CCDC91: variants seen among roughly 807,000 people sequenced by gnomAD.
CCDC91 encodes coiled-coil domain containing 91.
A neutral mutation model predicts 63.2 loss-of-function variants in CCDC91; 48 were observed. The ratio of observed to expected loss-of-function variants is 0.76; its 90% CI spans 0.60 to 0.97. The LOEUF (loss-of-function observed/expected upper bound fraction) is 0.97. Among genes scored for constraint, CCDC91 ranks in the 50% least tolerant of loss-of-function variants. The probability of loss-of-function intolerance (pLI) is 0.00; values close to 1 mark genes in which losing one functional copy is unlikely to be tolerated. For synonymous variants in CCDC91, 167 were observed against 165.8 expected (o/e 1.01, Z -0.06); for missense variants, 500 against 494.6 (o/e 1.01, Z -0.10).
At chr12:28,465,396 T>C (rs555871549) in intron 11 of CCDC91, among the ~76,000 whole-genome samples, 1 of 152,178 alleles carries the variant, frequency 6.6e-6, no homozygotes, top group Non-Finnish European at 1.5e-5. Flanking sequence ...TGGGTGAGAC[T>C]TAATGCTGTG....
At chr12:28,498,225 A>G (rs1347426480) in intron 12 of CCDC91, among the ~76,000 whole-genome samples, 1 of 151,596 alleles carries the variant, frequency 6.6e-6, no homozygotes, top group East Asian at 1.9e-4. Flanking sequence ...ATCAGTAGAG[A>G]GGTTATTGAA....
intron 3 of CCDC91, among the ~76,000 whole-genome samples, chr12:28,266,051 C>T (rs1227499897): frequency 6.6e-6 from 1 of 151,954 alleles, no homozygotes; most frequent in Non-Finnish European, 1.5e-5. Context: ...TATTAACTCA[C>T]CTTCTTTTAC....
chr12:28,217,470 T>G (rs1005313638), intron 1 of CCDC91, among the ~76,000 whole-genome samples: 5 of 152,130 alleles, frequency 3.3e-5, no homozygotes, highest in Non-Finnish European at 5.9e-5. Flanking sequence ...TGTTTTCCCA[T>G]GTATTTGAGA....
intron 6 of CCDC91, 69 bp downstream of exon 6, chr12:28,307,818 G>A: frequency 1.2e-6 from 1 of 801,340 alleles, no homozygotes; most frequent in South Asian, 1.6e-5. Context: ...ATTTCAAAAA[G>A]TGCATAATGA....
chr12:28,204,591 G>A (rs1942705159), intron 1 of CCDC91, among the ~76,000 whole-genome samples: 1 of 152,060 alleles, frequency 6.6e-6, no homozygotes. Flanking sequence ...TTTTTTGTGA[G>A]GGAAAGTCAT....
rs1202693996 is a variant in CCDC91 at position 28,550,045 on chromosome 12, TA to T, written c.*876del. 2.0e-5 allele frequency: 3 copies of T among 152,532 alleles called. No individual in the cohort carries two copies. Among genetic ancestry groups the T allele is most frequent in the Admixed American group, 1.3e-4 (2 of 15,252 alleles). 9.4% of individuals were successfully genotyped at this position (152,532 alleles called of 1,614,324 possible). On this transcript the variant is annotated 3_prime_UTR_variant, in exon 13 of 13. Coordinates refer to ENST00000536442, the MANE Select transcript of CCDC91 (RefSeq NM_018318.5). The stretch of plus-strand genomic sequence containing the variant: ...ATCATGAATATTTTTAATTCAAAAC[TA>T]AAATGTCATTAATATGTATGTATGC...
chr12:28,480,126 G>A (rs563143129), intron 11 of CCDC91, among the ~76,000 whole-genome samples: 14 of 151,974 alleles, frequency 9.2e-5, no homozygotes, highest in African/African-American at 3.4e-4. Flanking sequence ...CATATACTCA[G>A]GTTCTATTTT....
At chr12:28,241,458 A>G (rs1441237711) in intron 1 of CCDC91, among the ~76,000 whole-genome samples, 3 of 152,146 alleles carry the variant, frequency 2.0e-5, no homozygotes, top group East Asian at 1.9e-4. Flanking sequence ...TTTGCTTTGT[A>G]TGAAGAATAG....
intron 10 of CCDC91, 89 bp from the exon 11 acceptor site, chr12:28,452,389 T>C (rs1949849879): frequency 1.1e-6 from 1 of 901,400 alleles, no homozygotes; most frequent in Non-Finnish European, 1.7e-6. Flanking sequence ...AGGATCAAAG[T>C]TTTTTATCTT....
chr12:28,478,271 C>T (rs1304310652), intron 11 of CCDC91, among the ~76,000 whole-genome samples: 4 of 152,044 alleles, frequency 2.6e-5, no homozygotes, highest in Non-Finnish European at 4.4e-5. Context: ...GAGATATAGA[C>T]CAATGGAACA....
At chr12:28,437,682 T>TTTA (rs527541285) in intron 8 of CCDC91, among the ~76,000 whole-genome samples, 2 of 152,232 alleles carry the variant, frequency 1.3e-5, no homozygotes, top group South Asian at 4.1e-4. Flanking sequence ...ATGTTTTCAT[T>TTTA]TTATCACACT....
chr12:28,463,718 C>G (rs1950416832), intron 11 of CCDC91, among the ~76,000 whole-genome samples: 1 of 152,102 alleles, frequency 6.6e-6, no homozygotes. Flanking sequence ...TTCAGCATGT[C>G]TGTCTCTGGG....
Position 28,233,235 on chromosome 12 carries a change from A to G in CCDC91, c.-14-23967A>G, listed in dbSNP as rs548674312. ...AATTCCCTCATTCCCCTTGTAGTCT[A>G]TCTTTCTCCATACCATTCTCCCCCA... On this transcript the variant is annotated intron_variant, in intron 1 of 12. Transcript: ENST00000536442. Among the ~76,000 whole-genome samples the G allele has an allele frequency of 2.6e-5, 4 of 152,176 alleles. No individual in the cohort carries two copies. In the South Asian group the frequency reaches 6.2e-4, roughly 24 times the overall value.
At chr12:28,240,550 CAGTA>C (rs1945261065) in intron 1 of CCDC91, among the ~76,000 whole-genome samples, 1 of 151,966 alleles carries the variant, frequency 6.6e-6, no homozygotes, top group Non-Finnish European at 1.5e-5. Context: ...AGGAAAAACT[CAGTA>C]AGTCAAAACA....
intron 1 of CCDC91, among the ~76,000 whole-genome samples, chr12:28,247,321 A>G (rs1945807856): frequency 6.6e-6 from 1 of 152,084 alleles, no homozygotes; most frequent in Non-Finnish European, 1.5e-5. Flanking sequence ...TCTACTAAAA[A>G]TACAAAAAAT....
chr12:28,307,621 C>T, intron 5 of CCDC91, 24 bp from the exon 6 acceptor site: 1 of 1,189,438 alleles, frequency 8.4e-7, no homozygotes, highest in Non-Finnish European at 1.2e-6. Context: ...TATTACAAAG[C>T]TTGTATTTGT....
At chr12:28,431,572 G>C (rs1459532115) in intron 8 of CCDC91, among the ~76,000 whole-genome samples, 1 of 151,812 alleles carries the variant, frequency 6.6e-6, no homozygotes, top group Non-Finnish European at 1.5e-5. Context: ...AGTTTTTCTG[G>C]GTTTAGATAT....
intron 7 of CCDC91, among the ~76,000 whole-genome samples, chr12:28,367,137 C>T (rs1217685225): frequency 6.6e-6 from 1 of 152,160 alleles, no homozygotes; most frequent in Non-Finnish European, 1.5e-5. Flanking sequence ...AGATGCTGAA[C>T]TGAGCAGATT....
chr12:28,318,430 A>G (rs1214512084), intron 6 of CCDC91, among the ~76,000 whole-genome samples: 1 of 151,810 alleles, frequency 6.6e-6, no homozygotes, highest in Non-Finnish European at 1.5e-5. Context: ...TGTCCTAGCT[A>G]CTTGGTAGGC....
Sources: gnomAD v4.1 joint callset for allele counts (sites outside exome capture counted in the v4.1 genomes callset) on GRCh38, gnomAD v4.1.1 for gene constraint, MANE v1.5 for transcripts, NCBI Gene and HGNC (gene_info 2026-07-23, HGNC 2026-07-21) for gene names.